Variants in BRAF observed in about 807,000 individuals in gnomAD.
BRAF encodes the protein B-Raf proto-oncogene, serine/threonine kinase, also known as serine/threonine-protein kinase B-raf.
In BRAF, 16 loss-of-function variants were observed where a neutral mutation model predicts 104.6. The ratio of observed to expected loss-of-function variants is 0.15; its 90% CI spans 0.10 to 0.23. The LOEUF is 0.23. BRAF is among the 10% of genes least tolerant of loss of function. The pLI, the probability that BRAF is intolerant of heterozygous loss-of-function variation, is 1.00. For missense variants in BRAF, 541 were observed against 937.3 expected, an observed-to-expected ratio of 0.58 and a Z score of 5.52; for synonymous variants, 310 against 341.6, an observed-to-expected ratio of 0.91 and a Z score of 1.02.
At chr7:140,739,518 G>T (rs1585956668) in intron 18 of BRAF, among the ~76,000 whole-genome samples, 1 of 92,316 alleles carries the variant, frequency 1.1e-5, no homozygotes. Context: ...AAAGCTCTTT[G>T]TGGGGGGGGG....
chr7:140,800,637 A>T (rs977067679), intron 6 of BRAF, among the ~76,000 whole-genome samples, 156 bp from the exon 7 acceptor site: 1 of 152,108 alleles, frequency 6.6e-6, no homozygotes, highest in South Asian at 2.1e-4. Flanking sequence ...GGCTTATTTT[A>T]AAAAAAATTG....
intron 3 of BRAF, among the ~76,000 whole-genome samples, chr7:140,831,066 C>T (rs73165472): frequency 9.2e-4 from 140 of 152,276 alleles, no homozygotes; most frequent in Non-Finnish European, 1.8e-3. Context: ...TGGGACTGAG[C>T]TCTTAACCTG....
Position 140,743,441 on chromosome 7 carries a change from G to A in BRAF, c.2113-3495C>T, listed in dbSNP as rs188268770. ...CTTTGTAGGGACATGGATGAAACTG[G>A]AAATCATCATTCTTGGTAAACTATC... On this transcript the variant is annotated intron_variant, in intron 17 of 19. Coordinates refer to ENST00000644969, the MANE Select transcript of BRAF (RefSeq NM_001374258.1). 1.3e-3 allele frequency among the ~76,000 whole-genome samples: 201 copies of A among 152,242 alleles called. 1 individual carries two copies. Among genetic ancestry groups the A allele is most frequent in the African/African-American group, 4.4e-3 (183 of 41,530 alleles).
chr7:140,875,103 C>T (rs1812069837), intron 1 of BRAF, among the ~76,000 whole-genome samples: 1 of 152,174 alleles, frequency 6.6e-6, no homozygotes, highest in African/African-American at 2.4e-5. Context: ...ATTACCTAGT[C>T]TCAGGCATTT....
At chr7:140,785,081 C>T (rs2129028777) in intron 10 of BRAF, among the ~76,000 whole-genome samples, 1 of 152,252 alleles carries the variant, frequency 6.6e-6, no homozygotes, top group Non-Finnish European at 1.5e-5. Flanking sequence ...TTCTGAAGTA[C>T]ACTGAAATAT....
intron 16 of BRAF, among the ~76,000 whole-genome samples, chr7:140,749,689 T>A (rs1797635289): frequency 6.6e-6 from 1 of 152,322 alleles, no homozygotes; most frequent in Admixed American, 6.5e-5. Flanking sequence ...CTGCAGAAAA[T>A]ACCATCATTG....
chr7:140,778,645 T>G (rs1242674644), intron 12 of BRAF, among the ~76,000 whole-genome samples: 1 of 151,880 alleles, frequency 6.6e-6, no homozygotes, highest in East Asian at 1.9e-4. Flanking sequence ...CATGTATATA[T>G]ATGTAACTAA....
intron 1 of BRAF, among the ~76,000 whole-genome samples, chr7:140,910,125 C>T (rs891694097): frequency 1.3e-5 from 2 of 152,152 alleles, no homozygotes; most frequent in Admixed American, 6.5e-5. Context: ...ATAAAGTGCA[C>T]TTTTTGTCAG....
Position 140,924,737 on chromosome 7 carries a change from T to C in BRAF, c.-34A>G, listed in dbSNP as rs1282055138. ...CGAGAGCCGGGGCCCGAGCGGCCGCTGTCGGGCGGGGAGGGGGAAGGGAGG... is the reference window on the plus strand; with the variant it reads ...CGAGAGCCGGGGCCCGAGCGGCCGCCGTCGGGCGGGGAGGGGGAAGGGAGG... On this transcript the variant is annotated 5_prime_UTR_variant, in exon 1 of 20. Transcript: ENST00000644969. The surrounding 1 kb of genome is among the most constrained non-coding windows in gnomAD (Gnocchi z 4.2). 5 of 749,516 alleles carry C rather than the reference T, an allele frequency of 6.7e-6. No individual in the cohort carries two copies. Among genetic ancestry groups the C allele is most frequent in the Admixed American group, 4.8e-5 (2 of 41,884 alleles). The allele number at this position is 749,516 out of a possible 1,614,324, so 46.4% of individuals were successfully genotyped here.
At chr7:140,769,064 G>A (rs1478888178) in intron 14 of BRAF, among the ~76,000 whole-genome samples, 1 of 151,206 alleles carries the variant, frequency 6.6e-6, no homozygotes, top group East Asian at 1.9e-4. Flanking sequence ...AAAGAAAATG[G>A]ACTAAAACAC....
chr7:140,765,696 A>G (rs1364406245), intron 14 of BRAF, among the ~76,000 whole-genome samples: 1 of 152,198 alleles, frequency 6.6e-6, no homozygotes, highest in African/African-American at 2.4e-5. Context: ...GACACATGAA[A>G]AAATGCTCAT....
intron 9 of BRAF, among the ~76,000 whole-genome samples, chr7:140,786,418 G>T (rs574017354): frequency 1.1e-4 from 17 of 152,172 alleles, no homozygotes; most frequent in Admixed American, 5.9e-4. Flanking sequence ...GTTATTACAG[G>T]TCTTCCTTAC....
At chr7:140,814,932 T>C (rs1284967398) in intron 3 of BRAF, among the ~76,000 whole-genome samples, 1 of 150,952 alleles carries the variant, frequency 6.6e-6, no homozygotes, top group African/African-American at 2.4e-5. Flanking sequence ...TTCTTTGAGA[T>C]AGTACATTAA....
intron 1 of BRAF, among the ~76,000 whole-genome samples, chr7:140,856,639 A>C (rs1809816084): frequency 6.6e-6 from 1 of 152,194 alleles, no homozygotes; most frequent in Non-Finnish European, 1.5e-5. Flanking sequence ...AAAGGACTAG[A>C]AGGTGATTCT....
At chr7:140,765,358 C>A (rs1013195569) in intron 14 of BRAF, among the ~76,000 whole-genome samples, 3 of 151,656 alleles carry the variant, frequency 2.0e-5, no homozygotes, top group Non-Finnish European at 4.4e-5. Context: ...AGAAGAAAAC[C>A]TAGGCATTAC....
intron 4 of BRAF, 118 bp downstream of exon 4, chr7:140,808,773 AC>A: frequency 1.3e-6 from 1 of 795,670 alleles, no homozygotes; most frequent in Non-Finnish European, 2.1e-6. Flanking sequence ...TTATTTTAAT[AC>A]TTTTTCCTAA....
chr7:140,917,091 C>T lies in BRAF; in HGVS notation c.138+7475G>A, dbSNP rs367912331. Among the ~76,000 whole-genome samples the T allele has an allele frequency of 2.6e-5, 4 of 152,248 alleles. No individual in the cohort carries two copies. In the East Asian group the frequency reaches 7.7e-4, roughly 29 times the overall value. On this transcript the variant is annotated intron_variant, in intron 1 of 19. Transcript: ENST00000644969. The stretch of plus-strand genomic sequence containing the variant: ...TGTAAAATAATGAATGAACCTTAAC[C>T]ACTGCTTCACAATTGCTGGAGTGCA...
intron 1 of BRAF, among the ~76,000 whole-genome samples, chr7:140,904,072 T>C (rs1323220202): frequency 6.6e-6 from 1 of 152,238 alleles, no homozygotes; most frequent in Non-Finnish European, 1.5e-5. Flanking sequence ...AATTAGTTGA[T>C]GAAGCACTGG....
intron 1 of BRAF, among the ~76,000 whole-genome samples, chr7:140,898,549 T>G (rs1586587668): frequency 6.6e-6 from 1 of 152,166 alleles, no homozygotes; most frequent in African/African-American, 2.4e-5. Context: ...TTAAATGAGA[T>G]AAATTTTCCC....
Sources: allele counts gnomAD v4.1 joint callset (sites outside exome capture counted in the v4.1 genomes callset), GRCh38; gene constraint gnomAD v4.1.1; non-coding constraint Gnocchi (gnomAD v3.1); transcripts MANE v1.5; gene names NCBI Gene and HGNC (gene_info 2026-07-23, HGNC 2026-07-21).